The following PRPF39 variants were observed in gnomAD, a reference collection of about 807,000 sequenced individuals.
PRPF39 encodes the protein pre-mRNA processing factor 39, also known as pre-mRNA-processing factor 39.
PRPF39 carries 27 observed loss-of-function variants against 82.1 expected under a neutral mutation model. That is an observed-to-expected ratio of 0.33 (90% CI 0.24 to 0.45). The LOEUF (loss-of-function observed/expected upper bound fraction) is 0.45, where lower values mean the gene tolerates loss of function less well. Ranked by LOEUF, PRPF39 falls within the 20% of genes least tolerant of loss-of-function variation. The pLI is 1.00. For synonymous variants in PRPF39, 261 were observed against 256.4 expected, an observed-to-expected ratio of 1.02 and a Z score of -0.17; for missense variants, 581 against 796.9, an observed-to-expected ratio of 0.73 and a Z score of 3.26.
chr14:45,095,945 A>G (rs1451654606), intron 2 of PRPF39, among the ~76,000 whole-genome samples, 158 bp from the exon 3 acceptor site: 1 of 151,324 alleles, frequency 6.6e-6, no homozygotes, highest in Non-Finnish European at 1.5e-5. Flanking sequence ...GTAAAGGAAT[A>G]AAAGAAGGGC....
Position 45,109,612 on chromosome 14 carries a change from TC to T in PRPF39, c.1012-3del. The T allele has an allele frequency of 1.3e-6, 2 of 1,597,072 alleles. No individual in the cohort carries two copies. Among genetic ancestry groups the T allele is most frequent in the Non-Finnish European group, 1.7e-6 (2 of 1,171,618 alleles). On this transcript the variant is annotated splice_polypyrimidine_tract_variant and splice_region_variant and intron_variant, in intron 7 of 13. Transcript: ENST00000355765. The stretch of plus-strand genomic sequence containing the variant: ...TTCATTGGCATGTTACAATTTCATT[TC>T]AGATTAAAAGACCTTACTTTCATGT...
chr14:45,085,225 A>T (rs934659327), intron 1 of PRPF39, among the ~76,000 whole-genome samples: 3 of 152,142 alleles, frequency 2.0e-5, no homozygotes, highest in Non-Finnish European at 4.4e-5. Context: ...TTATAACCTC[A>T]TTCTAGAGTT....
intron 6 of PRPF39, among the ~76,000 whole-genome samples, chr14:45,108,133 C>T (rs903219839): frequency 6.6e-6 from 1 of 151,756 alleles, no homozygotes; most frequent in Non-Finnish European, 1.5e-5. Context: ...CTACAAGACA[C>T]CCCAAAAAAA....
At chr14:45,099,080 T>C (rs1207323432) in intron 4 of PRPF39, among the ~76,000 whole-genome samples, 1 of 152,218 alleles carries the variant, frequency 6.6e-6, no homozygotes, top group East Asian at 1.9e-4. Context: ...TAATGTGTTT[T>C]TCCTCTGTGG....
At chr14:45,105,817 C>G (rs981570074) in intron 5 of PRPF39, among the ~76,000 whole-genome samples, 1 of 151,902 alleles carries the variant, frequency 6.6e-6, no homozygotes, top group Admixed American at 6.6e-5. Context: ...TCAGCAGGCG[C>G]CTGACCTGTT....
At chr14:45,088,617 C>T (rs994199132) in intron 1 of PRPF39, among the ~76,000 whole-genome samples, 2 of 152,240 alleles carry the variant, frequency 1.3e-5, no homozygotes, top group South Asian at 2.1e-4. Context: ...AGTTATTTAA[C>T]GTTAATGAAT....
intron 6 of PRPF39, among the ~76,000 whole-genome samples, chr14:45,108,105 G>A (rs1327625426): frequency 6.6e-6 from 1 of 151,928 alleles, no homozygotes; most frequent in Non-Finnish European, 1.5e-5. Flanking sequence ...ATAGATTTAA[G>A]GTAGAGAATC....
chr14:45,102,425 T>G (rs887821469), intron 4 of PRPF39, 104 bp from the exon 5 acceptor site: 16 of 959,912 alleles, frequency 1.7e-5, no homozygotes, highest in Non-Finnish European at 2.2e-5. Context: ...AGGAAGCAGT[T>G]GAATATAATT....
In PRPF39 at chr14:45,115,083, C is replaced by A; in HGVS notation, c.*170C>A. On this transcript the variant is annotated 3_prime_UTR_variant, in exon 14 of 14. Transcript: ENST00000355765. The stretch of plus-strand genomic sequence containing the variant: ...GGGGAAAATGTCAATTAGTAGCTTA[C>A]CACAGATACTGTTTCCTACCATTTA... 2.2e-6 allele frequency: 1 copy of A among 446,974 alleles called. No homozygotes were observed. The highest frequency in any genetic ancestry group is 4.0e-6 in the Non-Finnish European group (1 of 248,364). 27.7% of individuals were successfully genotyped at this position (446,974 alleles called of 1,614,324 possible).
chr14:45,098,462 AGAG>A (rs1235914317), intron 4 of PRPF39, among the ~76,000 whole-genome samples: 38 of 138,260 alleles, frequency 2.7e-4, no homozygotes, highest in East Asian at 2.4e-3. Flanking sequence ...AAAAAAAAAA[AGAG>A]AGAGAGATCA....
At chr14:45,108,321 A>G in intron 6 of PRPF39, 94 bp from the exon 7 acceptor site, 2 of 1,327,528 alleles carry the variant, frequency 1.5e-6, no homozygotes, top group Middle Eastern at 2.0e-4. Context: ...TAAGACTAAA[A>G]TATCTGTGAA....
chr14:45,108,614 CTT>C (rs1380621629), intron 7 of PRPF39, 92 bp downstream of exon 7: 1 of 1,429,798 alleles, frequency 7.0e-7, no homozygotes, highest in Non-Finnish European at 9.2e-7. Context: ...TCTGTTGTAA[CTT>C]TATTTTTGCA....
At chr14:45,086,917 C>G (rs1594721162) in intron 1 of PRPF39, among the ~76,000 whole-genome samples, 1 of 138,420 alleles carries the variant, frequency 7.2e-6, no homozygotes, top group Non-Finnish European at 1.5e-5. Context: ...ACTCAATAAA[C>G]AGTTCAATTG....
intron 4 of PRPF39, among the ~76,000 whole-genome samples, chr14:45,100,322 A>G (rs763325540): frequency 1.1e-4 from 17 of 152,316 alleles, no homozygotes; most frequent in South Asian, 1.0e-3. Flanking sequence ...CAGTTGGCCT[A>G]TGGTGTTTCA....
At chr14:45,087,740 A>ATTT (rs35926249) in intron 1 of PRPF39, among the ~76,000 whole-genome samples, 1 of 123,426 alleles carries the variant, frequency 8.1e-6, no homozygotes, top group Admixed American at 8.5e-5. Context: ...TGCCCGGCTA[A>ATTT]TTTTTTTTTT....
In PRPF39 at chr14:45,110,999, T is replaced by C. The variant is rs947738818; in HGVS notation, c.1572+182T>C. 3.3e-6 allele frequency: 2 copies of C among 604,474 alleles called. No homozygotes were observed. The highest frequency in any genetic ancestry group is 5.7e-6 in the Non-Finnish European group (2 of 353,322). 37.4% of individuals were successfully genotyped at this position (604,474 alleles called of 1,614,324 possible). A position where few individuals can be genotyped will look rare whatever the true frequency, so the allele number is the denominator to read the frequency against. The stretch of plus-strand genomic sequence containing the variant: ...AAATTTTTTTCAAATTGTTTTGAAT[T>C]AAAAGTTTTAGACATTAAGATTATT... On this transcript the variant is annotated intron_variant, in intron 10 of 13. Transcript: ENST00000355765. This position sits in a 1 kb window ranked among gnomAD's most constrained non-coding sequence, Gnocchi z 4.0.
chr14:45,090,526 G>A (rs1309877720), intron 1 of PRPF39, among the ~76,000 whole-genome samples: 2 of 151,870 alleles, frequency 1.3e-5, no homozygotes, highest in Non-Finnish European at 2.9e-5. Context: ...CTACCTTCTT[G>A]TCTGCTGTCA....
In PRPF39 at chr14:45,095,277, G is replaced by T. The variant is rs140501445; in HGVS notation, c.38G>T (p.Ser13Ile). ...NSHMDEYRNS[S>I]NGSTGNSSEV... Reference sequence around the variant, plus strand: ...CACATGGATGAATACAGAAATTCTAGTAATGGCAGCACAGGCAACAGTTCA... The same window carrying T: ...CACATGGATGAATACAGAAATTCTATTAATGGCAGCACAGGCAACAGTTCA... Residue 13 changes from serine (S) to isoleucine (I), a missense_variant, in exon 2 of 14, where the codon AGT becomes ATT. Ser to Ile is a moderately radical substitution (Grantham distance 142, BLOSUM62 -2). Coordinates refer to ENST00000355765, the MANE Select transcript of PRPF39 (RefSeq NM_017922.4). 4.4e-6 allele frequency: 7 copies of T among 1,606,394 alleles called. No homozygotes were observed. The highest frequency in any genetic ancestry group is 1.3e-5 in the African/African-American group (1 of 74,784).
chr14:45,111,985 T>C (rs1255680266), intron 10 of PRPF39, among the ~76,000 whole-genome samples: 2 of 152,134 alleles, frequency 1.3e-5, no homozygotes, highest in Non-Finnish European at 2.9e-5. Flanking sequence ...ATTTGAAGCA[T>C]AGAGATTTTT....
Sources: gnomAD v4.1 joint callset for allele counts (sites outside exome capture counted in the v4.1 genomes callset) on GRCh38, gnomAD v4.1.1 for gene constraint, Gnocchi (gnomAD v3.1) non-coding constraint, MANE v1.5 for transcripts, NCBI Gene and HGNC (gene_info 2026-07-23, HGNC 2026-07-21) for gene names.